TRHDE: variants seen among roughly 807,000 people sequenced by gnomAD.
TRHDE encodes thyrotropin-releasing hormone-degrading ectoenzyme.
Under a neutral mutation model 125.7 loss-of-function variants are expected in TRHDE, and 72 were observed. The ratio of observed to expected loss-of-function variants is 0.57; its 90% CI spans 0.47 to 0.70. The LOEUF (loss-of-function observed/expected upper bound fraction) is 0.70, where lower values mean the gene tolerates loss of function less well. Ranked by LOEUF, TRHDE falls within the 30% of genes least tolerant of loss-of-function variation. TRHDE has a pLI of 0.00. For missense variants in TRHDE, 1,110 were observed against 1,327.1 expected, an observed-to-expected ratio of 0.84 and a Z score of 2.54; for synonymous variants, 509 against 509.1, an observed-to-expected ratio of 1.00 and a Z score of 0.00.
rs556506791 is a variant in TRHDE at position 72,601,729 on chromosome 12, T to A, written c.2322-17162T>A. On this transcript the variant is annotated intron_variant, in intron 12 of 18. Coordinates refer to ENST00000261180, the MANE Select transcript of TRHDE (RefSeq NM_013381.3). The stretch of plus-strand genomic sequence containing the variant: ...AAACGCTTAGATGATTGTCAGCTTT[T>A]TTCTTAGCAATAAAGCACTTTTAAT... Among the ~76,000 whole-genome samples, 71 of 152,298 alleles carry A rather than the reference T, an allele frequency of 4.7e-4. 3 individuals carry two copies. The South Asian group carries it at 0.011, about 24-fold the overall frequency.
Position 72,233,665 on chromosome 12 carries a change from A to T in TRHDE, n.279+127913A>T, listed in dbSNP as rs576987232. The stretch of plus-strand genomic sequence containing the variant: ...CTTGATGATGTTTTCAGTGCATTTC[A>T]CTGATAAATAAGAAACACAAAACCT... On this transcript the variant is annotated intron_variant and non_coding_transcript_variant, in intron 2 of 4. Coordinates refer to the TRHDE transcript ENST00000548156. Among the ~76,000 whole-genome samples the T allele has an allele frequency of 3.3e-5, 5 of 152,308 alleles. No homozygotes were observed. In the South Asian group the frequency reaches 1.0e-3, roughly 32 times the overall value.
chr12:72,245,237 GTGTGTA>G (rs772821129), intron 2 of TRHDE, among the ~76,000 whole-genome samples: 20 of 146,026 alleles, frequency 1.4e-4, no homozygotes, highest in Non-Finnish European at 2.0e-4. Context: ...ATCTATGTTT[GTGTGTA>G]TGTGTGTGTG....
At chr12:72,607,628 G>A (rs908192641) in intron 12 of TRHDE, among the ~76,000 whole-genome samples, 8 of 151,978 alleles carry the variant, frequency 5.3e-5, no homozygotes, top group Admixed American at 1.3e-4. Flanking sequence ...GTTTGGTTTT[G>A]TCTTTAAGTA....
At chr12:72,278,525 A>C (rs1234680845) in intron 1 of TRHDE, among the ~76,000 whole-genome samples, 2 of 152,222 alleles carry the variant, frequency 1.3e-5, no homozygotes, top group South Asian at 2.1e-4. Context: ...ACTGTTTTCC[A>C]TAATGGCTGT....
intron 2 of TRHDE, among the ~76,000 whole-genome samples, chr12:72,120,108 A>G (rs954556696): frequency 1.5e-4 from 22 of 151,450 alleles, no homozygotes; most frequent in African/African-American, 4.9e-4. Context: ...GCTGGAGTGC[A>G]GTGGTGATCT....
intron 15 of TRHDE, among the ~76,000 whole-genome samples, chr12:72,634,859 C>T (rs1461426594): frequency 2.0e-5 from 3 of 151,926 alleles, no homozygotes; most frequent in Non-Finnish European, 2.9e-5. Context: ...GCATAGTATT[C>T]CATGGTGTAT....
At position 72,536,651 on chromosome 12, in the gene TRHDE, A is replaced by G. The variant is rs554947589; in HGVS notation, c.1723-5640A>G. Among the ~76,000 whole-genome samples, 74 of 152,208 alleles carry G rather than the reference A, an allele frequency of 4.9e-4. 1 individual carries two copies. The highest frequency in any genetic ancestry group is 1.5e-3 in the African/African-American group (62 of 41,562). On this transcript the variant is annotated intron_variant, in intron 6 of 18. Coordinates refer to ENST00000261180, the MANE Select transcript of TRHDE (RefSeq NM_013381.3). The stretch of plus-strand genomic sequence containing the variant: ...AGGGGCAGCAGTGGGAAATCTGAGC[A>G]GTGCATTTTCACAGCTGCCACATCC...
chr12:72,520,521 A>G (rs373758895), intron 6 of TRHDE, among the ~76,000 whole-genome samples: 2 of 152,252 alleles, frequency 1.3e-5, no homozygotes, highest in South Asian at 2.1e-4. Context: ...GCGCGCACCC[A>G]CTGACCTGCG....
At chr12:72,150,328 G>A (rs1227502983) in intron 2 of TRHDE, among the ~76,000 whole-genome samples, 1 of 151,972 alleles carries the variant, frequency 6.6e-6, no homozygotes, top group Non-Finnish European at 1.5e-5. Flanking sequence ...AATTTTCTAG[G>A]CAATTGTCCC....
intron 15 of TRHDE, among the ~76,000 whole-genome samples, chr12:72,636,463 A>T (rs1163551520): frequency 2.0e-5 from 3 of 151,140 alleles, no homozygotes; most frequent in African/African-American, 7.3e-5. Flanking sequence ...GGACAATTTG[A>T]CTTCCTCTTT....
At chr12:72,466,839 T>A (rs1876399200) in intron 3 of TRHDE, among the ~76,000 whole-genome samples, 1 of 152,170 alleles carries the variant, frequency 6.6e-6, no homozygotes, top group Non-Finnish European at 1.5e-5. Context: ...TCAATCACTA[T>A]CTTACTCTGT....
intron 13 of TRHDE, among the ~76,000 whole-genome samples, chr12:72,620,500 A>G (rs537319532): frequency 1.3e-5 from 2 of 151,932 alleles, no homozygotes; most frequent in African/African-American, 4.8e-5. Flanking sequence ...CTCCAGCCTG[A>G]GCAACAGAGT....
chr12:72,647,275 T>G (rs1383500381), intron 15 of TRHDE, among the ~76,000 whole-genome samples: 1 of 151,790 alleles, frequency 6.6e-6, no homozygotes. Context: ...AAGACAAAAA[T>G]GAAAGCACAA....
chr12:72,094,921 T>C (rs1874877247), intron 1 of TRHDE, among the ~76,000 whole-genome samples: 1 of 152,228 alleles, frequency 6.6e-6, no homozygotes, highest in Non-Finnish European at 1.5e-5. Context: ...CTTTTGTTCA[T>C]GGATGGCTGT....
chr12:72,210,377 T>C (rs567792880), intron 2 of TRHDE, among the ~76,000 whole-genome samples: 1 of 152,292 alleles, frequency 6.6e-6, no homozygotes, highest in African/African-American at 2.4e-5. Context: ...TCAATGTGTC[T>C]GCTATTGTTT....
chr12:72,265,217 A>C (rs1374981999), intron 2 of TRHDE, among the ~76,000 whole-genome samples: 1 of 151,970 alleles, frequency 6.6e-6, no homozygotes, highest in Admixed American at 6.6e-5. Flanking sequence ...CATACAAATA[A>C]ATTTTTTAAT....
At chr12:72,176,789 C>T (rs1428881830) in intron 2 of TRHDE, among the ~76,000 whole-genome samples, 1 of 152,082 alleles carries the variant, frequency 6.6e-6, no homozygotes, top group Non-Finnish European at 1.5e-5. Context: ...AAAAGAGTTA[C>T]TTCTCATTTA....
At chr12:72,390,380 C>T (rs1278615126) in intron 3 of TRHDE, among the ~76,000 whole-genome samples, 1 of 152,082 alleles carries the variant, frequency 6.6e-6, no homozygotes, top group Non-Finnish European at 1.5e-5. Context: ...AGGAACATTT[C>T]ATTAAAGTCT....
Position 72,286,872 on chromosome 12 carries a change from C to A in TRHDE, c.1106C>A (p.Thr369Asn). 6.2e-7 allele frequency: 1 copy of A among 1,613,838 alleles called. No homozygotes were observed. The highest frequency in any genetic ancestry group is 8.5e-7 in the Non-Finnish European group (1 of 1,179,946). ...TGGGTTACGGATCACTTTTCACAGA[C>A]CCCTCTCATGTCCACATATTATTTA... ...DGWVTDHFSQTPLMSTYYLAW... is the reference protein window; with the variant it reads ...DGWVTDHFSQNPLMSTYYLAW... Residue 369 changes from threonine to asparagine, a missense_variant, in exon 2 of 19, where the codon ACC (threonine) becomes AAC (asparagine). Thr to Asn is a moderately conservative substitution (Grantham distance 65). This residue lies in a region of TRHDE where 252 missense variants were observed against 274.8 expected (regional missense o/e 0.92). Transcript: ENST00000261180.
Sources: gnomAD v4.1 joint callset for allele counts (sites outside exome capture counted in the v4.1 genomes callset) on GRCh38, gnomAD v4.1.1 for gene constraint, gnomAD v4.1.1 regional missense constraint, MANE v1.5 for transcripts, NCBI Gene and HGNC (gene_info 2026-07-23, HGNC 2026-07-21) for gene names.